BICD2: variants seen among roughly 807,000 people sequenced by gnomAD.
The protein encoded by BICD2 is BICD cargo adaptor 2.
A neutral mutation model predicts 72.9 loss-of-function variants in BICD2; 25 were observed. The observed-to-expected ratio is 0.34, with a 90% CI of 0.25 to 0.48. The LOEUF (loss-of-function observed/expected upper bound fraction) is 0.48. Among genes scored for constraint, BICD2 ranks in the 20% least tolerant of loss-of-function variants. BICD2 has a pLI of 0.99. For synonymous variants in BICD2, 501 were observed against 516.1 expected, an observed-to-expected ratio of 0.97 and a Z score of 0.40; for missense variants, 894 against 1,175.2, an observed-to-expected ratio of 0.76 and a Z score of 3.50.
intron 1 of BICD2, among the ~76,000 whole-genome samples, chr9:92,737,876 C>T (rs1270605628): frequency 1.3e-5 from 2 of 152,222 alleles, no homozygotes; most frequent in Non-Finnish European, 2.9e-5. Flanking sequence ...GTGGAAGGAA[C>T]AGCAAAGCAA....
intron 6 of BICD2, among the ~76,000 whole-genome samples, chr9:92,716,472 G>A (rs1010625782): frequency 1.5e-4 from 23 of 152,204 alleles, no homozygotes; most frequent in Non-Finnish European, 3.1e-4. Flanking sequence ...ACGTCCTGCA[G>A]GGATACTGAG....
In BICD2 at chr9:92,718,686, G is replaced by C. The variant is rs1170152388; in HGVS notation, c.1959C>G (p.Arg653=). 6.2e-7 allele frequency: 1 copy of C among 1,614,132 alleles called. No individual in the cohort carries two copies. The highest frequency in any genetic ancestry group is 8.5e-7 in the Non-Finnish European group (1 of 1,180,032). ...AAVDRTTELS[R]QRIASQELGP... ...CCAGCTCCTGAGAGGCAATGCGCTG[G>C]CGTGACAGCTCCGTGGTGCGGTCCA... is the stretch of plus-strand genomic sequence containing the variant. The change falls in exon 5 of 7, where the codon CGC becomes CGG. Residue 653 remains arginine, a synonymous_variant. Coordinates refer to ENST00000356884, the MANE Select transcript of BICD2 (RefSeq NM_001003800.2).
At chr9:92,753,768 T>C (rs991190059) in intron 1 of BICD2, among the ~76,000 whole-genome samples, 6 of 151,770 alleles carry the variant, frequency 4.0e-5, no homozygotes, top group Admixed American at 1.3e-4. Flanking sequence ...CTCGATCTCC[T>C]GACCTCATGA....
At position 92,718,773 on chromosome 9, in the gene BICD2, G is replaced by C; in HGVS notation, c.1872C>G (p.Pro624=). 1.2e-6 allele frequency: 2 copies of C among 1,613,942 alleles called. No homozygotes were observed. Among genetic ancestry groups the C allele is most frequent in the South Asian group, 1.1e-5 (1 of 91,078 alleles). ...PSPLSDPRRE[P]MNIYNLIAII... ...TAGCGATCAGGTTGTAGATGTTCAT[G>C]GGCTCCCGGCGTGGGTCACTCAGGG... Residue 624 remains proline, a synonymous_variant, in exon 5 of 7, where the codon CCC becomes CCG. Transcript: ENST00000356884.
chr9:92,721,374 C>T (rs1853461509), intron 3 of BICD2, among the ~76,000 whole-genome samples: 1 of 152,038 alleles, frequency 6.6e-6, no homozygotes. Flanking sequence ...TGGAGGAGCT[C>T]GAAGGTAGGT....
chr9:92,716,546 C>T (rs1853317845), intron 6 of BICD2, among the ~76,000 whole-genome samples: 1 of 152,224 alleles, frequency 6.6e-6, no homozygotes, highest in African/African-American at 2.4e-5. Context: ...AGTTCCCACC[C>T]TGTCCAGCTC....
At chr9:92,719,728 T>C in intron 4 of BICD2, 146 bp from the exon 5 acceptor site, 1 of 785,878 alleles carries the variant, frequency 1.3e-6, no homozygotes, top group Non-Finnish European at 2.0e-6. Flanking sequence ...GTCAGTGAGG[T>C]GGACAAAGAC....
rs747158081 is a variant in BICD2, at chr9:92,729,092, G to A, written c.385C>T (p.Arg129Cys). The A allele has an allele frequency of 1.1e-5, 18 of 1,614,120 alleles. No individual in the cohort carries two copies. The East Asian group carries it at 1.3e-4, about 12-fold the overall frequency. ...GACTGCGTGTTGGTGAGGACATTGC[G>A]CAACTGCTTCAGCTCCGTCTGCAGC... ...LELQTELKQL[R>C]NVLTNTQSEN... The change falls in exon 2 of 7, where the codon CGC becomes TGC. Residue 129 changes from arginine (R) to cysteine (C), a missense_variant. Transcript: ENST00000356884.
intron 1 of BICD2, among the ~76,000 whole-genome samples, chr9:92,754,458 A>C (rs1854215281): frequency 6.6e-6 from 1 of 152,234 alleles, no homozygotes; most frequent in Non-Finnish European, 1.5e-5. Flanking sequence ...AGTCTGGAAC[A>C]AATTTACATT....
intron 1 of BICD2, among the ~76,000 whole-genome samples, chr9:92,738,119 C>G (rs1853825758): frequency 6.6e-6 from 1 of 152,240 alleles, no homozygotes; most frequent in Admixed American, 6.5e-5. Flanking sequence ...CACGTCCTGG[C>G]TCTGCCACTG....
chr9:92,714,677 A>T lies in BICD2; in HGVS notation c.*477T>A. 2.0e-6 allele frequency: 2 copies of T among 988,910 alleles called. No individual in the cohort carries two copies. Among genetic ancestry groups the T allele is most frequent in the Non-Finnish European group, 2.4e-6 (2 of 832,576 alleles). 61.3% of individuals were successfully genotyped at this position (988,910 alleles called of 1,614,324 possible). A position where few individuals can be genotyped will look rare whatever the true frequency, so the allele number is the denominator to read the frequency against. On this transcript the variant is annotated 3_prime_UTR_variant, in exon 7 of 7. Coordinates refer to ENST00000356884, the MANE Select transcript of BICD2 (RefSeq NM_001003800.2). ...TTCCATGAAACTATGCCAAGTGCAA[A>T]GCCATCCTCTGAGGTCGTACCTATG... is the stretch of plus-strand genomic sequence containing the variant.
chr9:92,756,156 C>T (rs1854251161), intron 1 of BICD2, among the ~76,000 whole-genome samples: 1 of 152,198 alleles, frequency 6.6e-6, no homozygotes, highest in Non-Finnish European at 1.5e-5. Flanking sequence ...GGGCAGAGCT[C>T]CACAGTAAAG....
chr9:92,719,550 C>T lies in BICD2; in HGVS notation c.1095G>A (p.Thr365=), dbSNP rs772489772. 5.6e-6 allele frequency: 9 copies of T among 1,608,042 alleles called. No homozygotes were observed. The highest frequency in any genetic ancestry group is 2.2e-5 in the South Asian group (2 of 90,626). The part of the protein sequence containing the change: ...MEREKAGLLA[T]LQDTQKQLEH... ...CCAGCTGCTTCTGTGTGTCCTGCAG[C>T]GTTGCCAGCAGGCCCGCCTTTTCCC... Residue 365 remains threonine (T), a synonymous_variant, in exon 5 of 7, where the codon ACG becomes ACA. Coordinates refer to ENST00000356884, the MANE Select transcript of BICD2 (RefSeq NM_001003800.2).
chr9:92,727,482 G>T (rs1466576195), intron 2 of BICD2, among the ~76,000 whole-genome samples: 4 of 152,148 alleles, frequency 2.6e-5, no homozygotes, highest in African/African-American at 9.7e-5. Context: ...AGGCCCCAAG[G>T]CTCAGTGAAA....
Position 92,764,372 on chromosome 9 carries a change from C to G in BICD2, c.240+133G>C, listed in dbSNP as rs1396266026. ...GGCCCACTCCCACATACTGCCCGTG[C>G]CCCCTCCGCCCCGGCGGCCCACCCC... On this transcript the variant is annotated intron_variant, in intron 1 of 6. Coordinates refer to ENST00000356884, the MANE Select transcript of BICD2 (RefSeq NM_001003800.2). The surrounding 1 kb of genome is among the most constrained non-coding windows in gnomAD (Gnocchi z 5.5). 1.6e-6 allele frequency: 2 copies of G among 1,253,902 alleles called. No homozygotes were observed. The highest frequency in any genetic ancestry group is 4.1e-5 in the Admixed American group (1 of 24,198). 77.7% of individuals were successfully genotyped at this position (1,253,902 alleles called of 1,614,324 possible).
At chr9:92,757,470 A>G (rs1854284311) in intron 1 of BICD2, among the ~76,000 whole-genome samples, 1 of 152,176 alleles carries the variant, frequency 6.6e-6, no homozygotes, top group African/African-American at 2.4e-5. Context: ...AGATGACACT[A>G]AAGAATTTTT....
Position 92,719,318 on chromosome 9 carries a change from C to T in BICD2, c.1327G>A (p.Val443Met), listed in dbSNP as rs758040149. ...EILACKYHVA[V>M]AEAGELREQL... ...TCGCGGAGCTCGCCAGCCTCAGCCA[C>T]AGCCACATGGTACTTGCAGGCCAAG... Residue 443 changes from valine (V) to methionine (M), a missense_variant, in exon 5 of 7, where the codon GTG (valine) becomes ATG (methionine). By Grantham distance (21) the Val-to-Met change is conservative. Coordinates refer to ENST00000356884, the MANE Select transcript of BICD2 (RefSeq NM_001003800.2). The T allele has an allele frequency of 5.0e-6, 8 of 1,614,174 alleles. No homozygotes were observed. Among genetic ancestry groups the T allele is most frequent in the South Asian group, 1.1e-5 (1 of 91,088 alleles).
chr9:92,760,627 A>G (rs1174718935), intron 1 of BICD2, among the ~76,000 whole-genome samples: 4 of 152,206 alleles, frequency 2.6e-5, no homozygotes, highest in Non-Finnish European at 5.9e-5. Flanking sequence ...ACAATTAGTG[A>G]CAACAGTGTA....
chr9:92,728,560 A>C (rs1206226101), intron 2 of BICD2, among the ~76,000 whole-genome samples: 1 of 152,072 alleles, frequency 6.6e-6, no homozygotes, highest in Non-Finnish European at 1.5e-5. Flanking sequence ...TCAGACACGC[A>C]CACCCTACCT....
Sources: gnomAD v4.1 joint callset for allele counts (sites outside exome capture counted in the v4.1 genomes callset) on GRCh38, gnomAD v4.1.1 for gene constraint, Gnocchi (gnomAD v3.1) non-coding constraint, MANE v1.5 for transcripts, NCBI Gene and HGNC (gene_info 2026-07-23, HGNC 2026-07-21) for gene names.